Variants in ATP8A2 observed in about 807,000 individuals in gnomAD.
ATP8A2 encodes ATPase phospholipid transporting 8A2, also known as phospholipid-transporting ATPase IB.
Under a neutral mutation model 165.6 loss-of-function variants are expected in ATP8A2, and 100 were observed. That is an observed-to-expected ratio of 0.60 (90% CI 0.51 to 0.71). The LOEUF is 0.71. Ranked by LOEUF, ATP8A2 falls within the 30% of genes least tolerant of loss-of-function variation. ATP8A2 has a pLI of 0.00. For missense variants in ATP8A2, 1,227 were observed against 1,479.5 expected, an observed-to-expected ratio of 0.83 and a Z score of 2.80; for synonymous variants, 543 against 548.8, an observed-to-expected ratio of 0.99 and a Z score of 0.15.
rs185516964 is a variant in ATP8A2, at chr13:25,788,111, C to G, written c.2679+13152C>G. On this transcript the variant is annotated intron_variant, in intron 27 of 36. Coordinates refer to ENST00000381655, the MANE Select transcript of ATP8A2 (RefSeq NM_016529.6). ...CAGCTGTGGGACCTAGTTTCCAGCT[C>G]AAGCCGTGAAAACTTGGCTGCACCT... Among the ~76,000 whole-genome samples, 168 of 152,318 alleles carry G rather than the reference C, an allele frequency of 1.1e-3. 1 individual carries two copies. Among genetic ancestry groups the G allele is most frequent in the African/African-American group, 3.9e-3 (161 of 41,566 alleles).
At chr13:25,917,503 A>G (rs1237686166) in intron 33 of ATP8A2, among the ~76,000 whole-genome samples, 1 of 152,256 alleles carries the variant, frequency 6.6e-6, no homozygotes, top group Non-Finnish European at 1.5e-5. Flanking sequence ...AGAAATTGAG[A>G]AAGACAGAGA....
intron 1 of ATP8A2, among the ~76,000 whole-genome samples, chr13:25,406,252 G>A (rs905183569): frequency 2.0e-5 from 3 of 152,170 alleles, no homozygotes; most frequent in Admixed American, 6.5e-5. Flanking sequence ...GTGGCATCCC[G>A]GTGCTATTAT....
chr13:25,592,207 G>GT (rs34896353), intron 24 of ATP8A2, among the ~76,000 whole-genome samples: 120,903 of 151,362 alleles, frequency 0.8, 49,212 homozygotes, highest in African/African-American at 0.91. Context: ...TTTTAATCAG[G>GT]TTTTTTTTCA....
At chr13:25,418,938 C>A (rs552150197) in intron 1 of ATP8A2, among the ~76,000 whole-genome samples, 5 of 151,966 alleles carry the variant, frequency 3.3e-5, no homozygotes, top group Admixed American at 1.3e-4. Flanking sequence ...AAAAACAGAA[C>A]CACATCCTCT....
intron 24 of ATP8A2, among the ~76,000 whole-genome samples, chr13:25,675,026 G>A (rs1331690537): frequency 6.6e-6 from 1 of 152,154 alleles, no homozygotes. Context: ...GGTGCATTCT[G>A]GAACCAAATG....
At chr13:26,016,643 A>G (rs953587197) in intron 36 of ATP8A2, among the ~76,000 whole-genome samples, 1 of 152,208 alleles carries the variant, frequency 6.6e-6, no homozygotes, top group East Asian at 1.9e-4. Context: ...TTATGTCTCC[A>G]TGAGTTCCCC....
intron 33 of ATP8A2, among the ~76,000 whole-genome samples, chr13:25,912,194 AC>A (rs1954131609): frequency 2.5e-5 from 3 of 119,440 alleles, no homozygotes; most frequent in Non-Finnish European, 4.8e-5. Context: ...ACACACACAC[AC>A]AGTGGAATAG....
intron 2 of ATP8A2, chr13:25,517,193 G>A (rs1463525799): frequency 6.6e-6 from 1 of 150,836 alleles, no homozygotes; most frequent in Non-Finnish European, 1.5e-5. Context: ...GCGCAAGGAT[G>A]ACACACACAT....
At position 25,892,478 on chromosome 13, in the gene ATP8A2, G is replaced by GTCTCTCTCTCTCTC. The variant is rs144283908; in HGVS notation, c.3183+30083_3183+30096dup. Among the ~76,000 whole-genome samples the GTCTCTCTCTCTCTC allele has an allele frequency of 7.9e-3, 1,077 of 136,178 alleles. 37 individuals carry two copies. Among genetic ancestry groups the GTCTCTCTCTCTCTC allele is most frequent in the Admixed American group, 0.026 (356 of 13,444 alleles). The allele number at this position is 136,178 out of a possible 152,430, so 89.3% of individuals were successfully genotyped here. A position where few individuals can be genotyped will look rare whatever the true frequency, so the allele number is the denominator to read the frequency against. ...CATTTCTCTCTCTCTCTGTCTCTCT[G>GTCTCTCTCTCTCTC]TCTCTCTCTCTCTCTCTCTCTCTCT... On this transcript the variant is annotated intron_variant, in intron 33 of 36. Coordinates refer to ENST00000381655, the MANE Select transcript of ATP8A2 (RefSeq NM_016529.6).
rs530412802 is a variant in ATP8A2 at position 25,419,660 on chromosome 13, A to G, written c.76+47372A>G. 6.4e-3 allele frequency among the ~76,000 whole-genome samples: 970 copies of G among 152,304 alleles called. 2 individuals are homozygous for G. Among genetic ancestry groups the G allele is most frequent in the Non-Finnish European group, 9.4e-3 (641 of 68,020 alleles). On this transcript the variant is annotated intron_variant, in intron 1 of 36. Coordinates refer to ENST00000381655, the MANE Select transcript of ATP8A2 (RefSeq NM_016529.6). ...GTTTTTATTTGTTCTCATAACCGTA[A>G]TGTTTTAGTACAAGTGTTGATTCTG... is the stretch of plus-strand genomic sequence containing the variant.
rs375760845 is a variant in ATP8A2, at chr13:25,881,613, AAGAG to A, written c.3183+19215_3183+19218del. ...AGAGAGAAAGAGAGAGAGAGAGAGA[AAGAG>A]AGAGAGAGAATAGATGCTCTTGATA... is the stretch of plus-strand genomic sequence containing the variant. On this transcript the variant is annotated intron_variant, in intron 33 of 36. Coordinates refer to ENST00000381655, the MANE Select transcript of ATP8A2 (RefSeq NM_016529.6). Among the ~76,000 whole-genome samples the A allele has an allele frequency of 1.6e-3, 235 of 151,408 alleles. 1 individual carries two copies. Among genetic ancestry groups the A allele is most frequent in the African/African-American group, 5.2e-3 (214 of 41,278 alleles).
Position 25,743,093 on chromosome 13 carries a change from C to A in ATP8A2, c.2385-25953C>A, listed in dbSNP as rs2043951865. Among the ~76,000 whole-genome samples the A allele has an allele frequency of 7.2e-5, 11 of 152,058 alleles. No individual in the cohort carries two copies. In the South Asian group the frequency reaches 2.3e-3, roughly 32 times the overall value. On this transcript the variant is annotated intron_variant, in intron 25 of 36. Coordinates refer to ENST00000381655, the MANE Select transcript of ATP8A2 (RefSeq NM_016529.6). Reference sequence around the variant, plus strand: ...CATTTCAGATGTATTGAGATGAGGTCATTAGGGTGGACCTCATCTTAATAC... The same window carrying A: ...CATTTCAGATGTATTGAGATGAGGTAATTAGGGTGGACCTCATCTTAATAC...
At chr13:25,718,536 T>C (rs1200450960) in intron 25 of ATP8A2, among the ~76,000 whole-genome samples, 1 of 152,170 alleles carries the variant, frequency 6.6e-6, no homozygotes, top group African/African-American at 2.4e-5. Flanking sequence ...GCCATTCTAT[T>C]GTGTCTAGAG....
Position 25,768,456 on chromosome 13 carries a change from C to T in ATP8A2, c.2385-590C>T, listed in dbSNP as rs546679746. On this transcript the variant is annotated intron_variant, in intron 25 of 36. Coordinates refer to ENST00000381655, the MANE Select transcript of ATP8A2 (RefSeq NM_016529.6). Reference sequence around the variant, plus strand: ...AAGGGGAGACTTCCACTCCCTGACTCCCATCCTAGATCCTCTGCCTTGGCT... The same window carrying T: ...AAGGGGAGACTTCCACTCCCTGACTTCCATCCTAGATCCTCTGCCTTGGCT... Among the ~76,000 whole-genome samples the T allele has an allele frequency of 4.6e-5, 7 of 152,232 alleles. No homozygotes were observed. The East Asian group carries it at 1.4e-3, about 29-fold the overall frequency.
chr13:25,470,145 C>G (rs2035803181), intron 2 of ATP8A2, among the ~76,000 whole-genome samples: 1 of 152,150 alleles, frequency 6.6e-6, no homozygotes, highest in South Asian at 2.1e-4. Flanking sequence ...AGCCTGACAT[C>G]TTTATTTAGA....
intron 16 of ATP8A2, among the ~76,000 whole-genome samples, chr13:25,569,059 A>G (rs1358802171): frequency 2.6e-5 from 4 of 152,194 alleles, no homozygotes; most frequent in African/African-American, 9.6e-5. Context: ...ACTTATTTGT[A>G]AAATCTAAGA....
At chr13:25,462,718 T>A (rs1256426584) in intron 1 of ATP8A2, among the ~76,000 whole-genome samples, 2 of 151,362 alleles carry the variant, frequency 1.3e-5, no homozygotes, top group Admixed American at 6.6e-5. Context: ...TCTAACCACA[T>A]GATTGGCCTT....
chr13:25,820,113 C>T (rs1951137011), intron 27 of ATP8A2, among the ~76,000 whole-genome samples: 1 of 152,160 alleles, frequency 6.6e-6, no homozygotes, highest in East Asian at 1.9e-4. Context: ...CTGAGAGTGG[C>T]GGCAGGTACA....
chr13:25,627,687 C>A (rs1381319612), intron 24 of ATP8A2, among the ~76,000 whole-genome samples: 1 of 152,134 alleles, frequency 6.6e-6, no homozygotes, highest in Admixed American at 6.6e-5. Context: ...GTTGTTTAAG[C>A]CACCCAGTCT....
Sources: gnomAD v4.1 joint callset for allele counts (sites outside exome capture counted in the v4.1 genomes callset) on GRCh38, gnomAD v4.1.1 for gene constraint, MANE v1.5 for transcripts, NCBI Gene and HGNC (gene_info 2026-07-23, HGNC 2026-07-21) for gene names.